ENAH: variants seen among roughly 807,000 people sequenced by gnomAD.
The protein encoded by ENAH is ENAH actin regulator, also known as protein enabled homolog.
ENAH carries 23 observed loss-of-function variants against 78.7 expected under a neutral mutation model. The ratio of observed to expected loss-of-function variants is 0.29; its 90% CI spans 0.21 to 0.41. The LOEUF (loss-of-function observed/expected upper bound fraction) is 0.41, where lower values mean the gene tolerates loss of function less well. Ranked by LOEUF, ENAH falls within the 10% of genes least tolerant of loss-of-function variation. ENAH has a pLI of 1.00. For missense variants in ENAH, 544 were observed against 691.0 expected (o/e 0.79, Z 2.39); for synonymous variants, 226 against 241.0 (o/e 0.94, Z 0.58).
chr1:225,613,717 T>C (rs552563424), intron 1 of ENAH, among the ~76,000 whole-genome samples: 1 of 152,194 alleles, frequency 6.6e-6, no homozygotes, highest in Admixed American at 6.6e-5. Flanking sequence ...CTACACCTTA[T>C]AGCATATTTT....
rs530356887 is a variant in ENAH at position 225,649,700 on chromosome 1, T to C, written c.5+2986A>G. 8.5e-5 allele frequency among the ~76,000 whole-genome samples: 13 copies of C among 152,344 alleles called. 1 individual carries two copies. In the South Asian group the frequency reaches 2.5e-3, roughly 29 times the overall value. ...AATATTAACAAGTAAATCTATATAC[T>C]GCATTTTACTCAAATGCCTATGACC... On this transcript the variant is annotated intron_variant, in intron 1 of 13. Coordinates refer to ENST00000366843, the MANE Select transcript of ENAH (RefSeq NM_018212.6).
chr1:225,586,258 A>AG (rs56371736), intron 1 of ENAH, among the ~76,000 whole-genome samples: 1 of 146,958 alleles, frequency 6.8e-6, no homozygotes, highest in South Asian at 2.2e-4. Flanking sequence ...AAAAAAAAAA[A>AG]GGAAGAAAAA....
chr1:225,535,612 T>C, intron 3 of ENAH: 1 of 1,094,744 alleles, frequency 9.1e-7, no homozygotes, highest in Non-Finnish European at 1.2e-6. Flanking sequence ...AACGGGGCCA[T>C]CTGAAGAACT....
intron 1 of ENAH, among the ~76,000 whole-genome samples, chr1:225,637,151 T>C (rs926952262): frequency 3.9e-5 from 6 of 152,190 alleles, no homozygotes; most frequent in African/African-American, 1.4e-4. Context: ...ACATCTCTTC[T>C]GTGTGCTCCA....
intron 1 of ENAH, among the ~76,000 whole-genome samples, chr1:225,572,407 T>C (rs1247600009): frequency 1.3e-5 from 2 of 152,162 alleles, no homozygotes; most frequent in African/African-American, 4.8e-5. Context: ...ACATAACTTA[T>C]TTAAAATGAT....
intron 1 of ENAH, among the ~76,000 whole-genome samples, chr1:225,608,220 G>GAAAAAAAAAAAAAAAAAAAA (rs60998592): frequency 4.4e-5 from 4 of 91,262 alleles, no homozygotes; most frequent in East Asian, 3.2e-4. Flanking sequence ...ATAAAAAACA[G>GAAAAAAAAAAAAAAAAAAAA]AAAAAAAAAA....
At chr1:225,514,076 T>C (rs1270079672) in intron 7 of ENAH, among the ~76,000 whole-genome samples, 1 of 152,242 alleles carries the variant, frequency 6.6e-6, no homozygotes, top group Non-Finnish European at 1.5e-5. Flanking sequence ...AAAATGTTAA[T>C]GGGTGAATGT....
At chr1:225,642,242 A>G (rs1366101265) in intron 1 of ENAH, among the ~76,000 whole-genome samples, 2 of 151,746 alleles carry the variant, frequency 1.3e-5, no homozygotes, top group African/African-American at 4.8e-5. Context: ...TACATATAGT[A>G]AAGTTTACAT....
intron 4 of ENAH, among the ~76,000 whole-genome samples, chr1:225,522,046 T>C (rs2096473259): frequency 6.6e-6 from 1 of 152,098 alleles, no homozygotes; most frequent in Admixed American, 6.5e-5. Context: ...CCACCCGCCT[T>C]GGCCTCCCAA....
chr1:225,593,623 G>A (rs2096888936), intron 1 of ENAH, among the ~76,000 whole-genome samples: 1 of 152,140 alleles, frequency 6.6e-6, no homozygotes, highest in African/African-American at 2.4e-5. Flanking sequence ...AGCATATGAT[G>A]TTTTGTTCAC....
intron 1 of ENAH, among the ~76,000 whole-genome samples, chr1:225,615,253 C>CCGACTGGTCTCCAGCTCCTGACCG (rs1211655609): frequency 1.3e-5 from 2 of 152,220 alleles, no homozygotes; most frequent in African/African-American, 4.8e-5. Context: ...CCGTGTTGGC[C>CCGACTGGTCTCCAGCTCCTGACCG]CGACTGGTCT....
intron 1 of ENAH, among the ~76,000 whole-genome samples, chr1:225,650,676 C>A (rs1174258641): frequency 6.6e-6 from 1 of 151,638 alleles, no homozygotes; most frequent in African/African-American, 2.4e-5. Flanking sequence ...TGGTGAAACC[C>A]CGTCTCTACT....
chr1:225,649,170 G>A (rs928671206), intron 1 of ENAH, among the ~76,000 whole-genome samples: 3 of 151,920 alleles, frequency 2.0e-5, no homozygotes, highest in Admixed American at 2.0e-4. Flanking sequence ...TTTTAAAAAG[G>A]CATCAGTGAA....
intron 3 of ENAH, among the ~76,000 whole-genome samples, chr1:225,549,558 G>C (rs1192079596): frequency 1.3e-5 from 2 of 152,144 alleles, no homozygotes; most frequent in Non-Finnish European, 2.9e-5. Context: ...GTGGGTCCTC[G>C]CATCACTACA....
intron 3 of ENAH, among the ~76,000 whole-genome samples, chr1:225,548,972 C>A (rs1032045423): frequency 6.6e-6 from 1 of 151,886 alleles, no homozygotes; most frequent in African/African-American, 2.4e-5. Context: ...GCATCGGCCT[C>A]CCGAGTAATT....
At chr1:225,621,647 CCAGT>C (rs1468334247) in intron 1 of ENAH, among the ~76,000 whole-genome samples, 6 of 152,246 alleles carry the variant, frequency 3.9e-5, no homozygotes, top group African/African-American at 1.4e-4. Flanking sequence ...CCATAATGGC[CCAGT>C]CACTCAATCT....
intron 4 of ENAH, among the ~76,000 whole-genome samples, chr1:225,528,822 C>A (rs2096524180): frequency 6.6e-6 from 1 of 152,120 alleles, no homozygotes; most frequent in African/African-American, 2.4e-5. Context: ...TTGACATCCC[C>A]CAACAAGACC....
In ENAH at chr1:225,488,359, A is replaced by G. The variant is rs2096208542; in HGVS notation, c.*9416T>C. ...AAATCTGCCAGAGGCTGAGCAACAGAAAGCTTCCAATGAGAACTCAGAAGG... is the reference window on the plus strand; with the variant it reads ...AAATCTGCCAGAGGCTGAGCAACAGGAAGCTTCCAATGAGAACTCAGAAGG... On this transcript the variant is annotated 3_prime_UTR_variant, in exon 14 of 14. Transcript: ENST00000366843. The G allele has an allele frequency of 2.0e-5, 3 of 152,148 alleles. No individual in the cohort carries two copies. In the South Asian group the frequency reaches 6.2e-4, roughly 31 times the overall value. The allele number at this position is 152,148 out of a possible 1,614,324, so 9.4% of individuals were successfully genotyped here. A position where few individuals can be genotyped will look rare whatever the true frequency, so the allele number is the denominator to read the frequency against.
intron 4 of ENAH, among the ~76,000 whole-genome samples, chr1:225,521,986 G>A (rs937325246): frequency 3.9e-5 from 6 of 152,032 alleles, no homozygotes; most frequent in Non-Finnish European, 5.9e-5. Context: ...TAGTAGAGAC[G>A]GGGTTTCACA....
Sources: allele counts gnomAD v4.1 joint callset (sites outside exome capture counted in the v4.1 genomes callset), GRCh38; gene constraint gnomAD v4.1.1; transcripts MANE v1.5; gene names NCBI Gene and HGNC (gene_info 2026-07-23, HGNC 2026-07-21).